The following HDAC9 variants were observed in gnomAD, a reference collection of about 807,000 sequenced individuals.
HDAC9 encodes the protein histone deacetylase 9.
A neutral mutation model predicts 139.4 loss-of-function variants in HDAC9; 41 were observed. The observed-to-expected ratio is 0.29, with a 90% CI of 0.23 to 0.38. HDAC9 has a LOEUF of 0.38. Ranked by LOEUF, HDAC9 falls within the 10% of genes least tolerant of loss-of-function variation. The pLI is 1.00. For synonymous variants in HDAC9, 517 were observed against 476.2 expected (o/e 1.09, Z -1.12); for missense variants, 1,147 against 1,297.0 (o/e 0.88, Z 1.78).
intron 1 of HDAC9, among the ~76,000 whole-genome samples, chr7:18,455,052 C>T (rs954340864): frequency 3.9e-5 from 6 of 152,008 alleles, no homozygotes; most frequent in African/African-American, 1.4e-4. Flanking sequence ...TTTTTTCTTT[C>T]TTTTTTCTTT....
chr7:18,765,705 C>G (rs62446604), intron 15 of HDAC9, among the ~76,000 whole-genome samples: 2,771 of 152,216 alleles, frequency 0.018, 62 homozygotes, highest in Non-Finnish European at 0.025. Flanking sequence ...TTTAATTTCA[C>G]AGGTGATATA....
chr7:18,123,810 A>G (rs546479848), intron 1 of HDAC9, among the ~76,000 whole-genome samples: 8 of 152,322 alleles, frequency 5.3e-5, no homozygotes, highest in Non-Finnish European at 7.3e-5. Context: ...CTCTCACATA[A>G]TAAGTCTAAA....
At chr7:18,306,017 G>T (rs1798883766) in intron 1 of HDAC9, among the ~76,000 whole-genome samples, 1 of 152,210 alleles carries the variant, frequency 6.6e-6, no homozygotes, top group Non-Finnish European at 1.5e-5. Context: ...ATGGAATGAA[G>T]TGTAAGTTGT....
chr7:18,408,891 A>G (rs562033675), intron 1 of HDAC9, among the ~76,000 whole-genome samples: 88 of 152,330 alleles, frequency 5.8e-4, no homozygotes, highest in Non-Finnish European at 1.1e-3. Context: ...AACATTAGAA[A>G]AGGCGCAGAT....
At chr7:18,747,570 T>A (rs1056562649) in intron 13 of HDAC9, among the ~76,000 whole-genome samples, 5 of 152,172 alleles carry the variant, frequency 3.3e-5, no homozygotes, top group African/African-American at 1.2e-4. Context: ...CATTTTCACT[T>A]TATGAAAACC....
chr7:18,096,903 G>GTGTT (rs1782542233), intron 1 of HDAC9, among the ~76,000 whole-genome samples: 1 of 151,872 alleles, frequency 6.6e-6, no homozygotes, highest in Non-Finnish European at 1.5e-5. Context: ...GTGTGTGTGT[G>GTGTT]TGTGTGTGTG....
chr7:18,747,475 G>C (rs965681556), intron 13 of HDAC9, among the ~76,000 whole-genome samples: 7 of 152,330 alleles, frequency 4.6e-5, no homozygotes, highest in East Asian at 3.9e-4. Context: ...AAGGTTTCTC[G>C]TATGAACAAT....
chr7:18,871,261 G>A (rs1443388992), intron 21 of HDAC9, among the ~76,000 whole-genome samples: 1 of 152,106 alleles, frequency 6.6e-6, no homozygotes, highest in Non-Finnish European at 1.5e-5. Context: ...ACATGTCCAT[G>A]TCTCTTTTAA....
intron 1 of HDAC9, among the ~76,000 whole-genome samples, chr7:18,445,417 GATA>G (rs1792197120): frequency 6.6e-6 from 1 of 151,996 alleles, no homozygotes; most frequent in Admixed American, 6.6e-5. Flanking sequence ...ATATCAAGAG[GATA>G]ATAATTTTCT....
At chr7:18,134,418 G>A (rs892860822) in intron 1 of HDAC9, among the ~76,000 whole-genome samples, 5 of 152,142 alleles carry the variant, frequency 3.3e-5, no homozygotes, top group African/African-American at 1.2e-4. Context: ...AATGGAGCTA[G>A]TGCTTAATTT....
intron 25 of HDAC9, among the ~76,000 whole-genome samples, chr7:18,993,143 T>G (rs55902176): frequency 0.64 from 96,362 of 151,320 alleles, 31,133 homozygotes; most frequent in African/African-American, 0.7. Flanking sequence ...AGACATATTT[T>G]TTGATTATAT....
intron 15 of HDAC9, among the ~76,000 whole-genome samples, chr7:18,766,116 A>G (rs1335277079): frequency 6.6e-6 from 1 of 152,178 alleles, no homozygotes; most frequent in Non-Finnish European, 1.5e-5. Context: ...TTCTCATTTC[A>G]TTGAGCATCA....
intron 1 of HDAC9, among the ~76,000 whole-genome samples, chr7:18,406,077 A>T (rs192362749): frequency 2.6e-5 from 4 of 152,352 alleles, no homozygotes; most frequent in Admixed American, 2.6e-4. Context: ...TTGTACAATT[A>T]TGTTACCTAC....
At chr7:18,674,599 G>A (rs1781384112) in intron 12 of HDAC9, among the ~76,000 whole-genome samples, 1 of 151,892 alleles carries the variant, frequency 6.6e-6, no homozygotes, top group Admixed American at 6.6e-5. Flanking sequence ...AGCCACTCAG[G>A]GAACCTATGA....
At chr7:18,888,874 T>G (rs1374578737) in intron 22 of HDAC9, among the ~76,000 whole-genome samples, 1 of 152,218 alleles carries the variant, frequency 6.6e-6, no homozygotes, top group Non-Finnish European at 1.5e-5. Context: ...CTTTGTCTAG[T>G]CATATATAAC....
chr7:18,762,457 A>G (rs904853551), intron 15 of HDAC9, among the ~76,000 whole-genome samples, 180 bp downstream of exon 15: 1 of 151,294 alleles, frequency 6.6e-6, no homozygotes, highest in Non-Finnish European at 1.5e-5. Context: ...AAAATCCTGC[A>G]TTAGAAAATG....
chr7:18,125,219 C>G (rs1784584378), intron 1 of HDAC9, among the ~76,000 whole-genome samples: 1 of 152,008 alleles, frequency 6.6e-6, no homozygotes, highest in African/African-American at 2.4e-5. Context: ...CATATCAATT[C>G]CTGCCACCCG....
intron 2 of HDAC9, among the ~76,000 whole-genome samples, chr7:18,215,993 G>T (rs760888908): frequency 2.0e-5 from 3 of 151,896 alleles, no homozygotes; most frequent in Non-Finnish European, 4.4e-5. Flanking sequence ...GGCTTCTCTC[G>T]TCTCGCACCT....
intron 1 of HDAC9, among the ~76,000 whole-genome samples, chr7:18,347,581 CTTAT>C (rs1225558785): frequency 5.9e-5 from 9 of 152,146 alleles, no homozygotes; most frequent in Middle Eastern, 3.4e-3. Flanking sequence ...GCAACATGTT[CTTAT>C]TTATTTTATT....
Sources: gnomAD v4.1 joint callset for allele counts (sites outside exome capture counted in the v4.1 genomes callset) on GRCh38, gnomAD v4.1.1 for gene constraint, MANE v1.5 for transcripts, NCBI Gene and HGNC (gene_info 2026-07-23, HGNC 2026-07-21) for gene names.